Variants in HS3ST4 observed in about 807,000 individuals in gnomAD.
HS3ST4 encodes heparan sulfate-glucosamine 3-sulfotransferase 4, also known as heparan sulfate glucosamine 3-O-sulfotransferase 4.
In HS3ST4, 17 loss-of-function variants were observed where a neutral mutation model predicts 29.2. That is an observed-to-expected ratio of 0.58 (90% CI 0.40 to 0.87). The LOEUF (loss-of-function observed/expected upper bound fraction) is 0.87. Ranked by LOEUF, HS3ST4 falls within the 40% of genes least tolerant of loss-of-function variation. The probability of loss-of-function intolerance (pLI) is 0.00; values close to 1 mark genes in which losing one functional copy is unlikely to be tolerated. For missense variants in HS3ST4, 627 were observed against 634.5 expected (o/e 0.99, Z 0.13); for synonymous variants, 314 against 285.7 (o/e 1.10, Z -1.00).
At chr16:25,766,408 G>C (rs4433812) in intron 1 of HS3ST4, among the ~76,000 whole-genome samples, 1 of 151,890 alleles carries the variant, frequency 6.6e-6, no homozygotes, top group Non-Finnish European at 1.5e-5. Context: ...TTAGTTATTG[G>C]AGTCAAAAGA....
chr16:26,026,746 T>C lies in HS3ST4; in HGVS notation c.735-108866T>C, dbSNP rs117598985. Among the ~76,000 whole-genome samples the C allele has an allele frequency of 9.6e-3, 1,463 of 152,238 alleles. 12 individuals are homozygous for C. Among genetic ancestry groups the C allele is most frequent in the Non-Finnish European group, 0.015 (1,035 of 68,012 alleles). ...CCGCATGAAACACTGGCAAGAGAAG[T>C]GGGGTCGTCATAATTGTTTTGGACC... On this transcript the variant is annotated intron_variant, in intron 1 of 1. Transcript: ENST00000331351.
chr16:25,995,405 G>A (rs555603885), intron 1 of HS3ST4, among the ~76,000 whole-genome samples: 71 of 152,254 alleles, frequency 4.7e-4, no homozygotes, highest in African/African-American at 1.7e-3. Context: ...TATCTATTCT[G>A]CGTAATTCTC....
At chr16:25,897,898 T>C (rs1202847694) in intron 1 of HS3ST4, among the ~76,000 whole-genome samples, 2 of 152,190 alleles carry the variant, frequency 1.3e-5, no homozygotes, top group African/African-American at 4.8e-5. Flanking sequence ...ACTCTCGCTA[T>C]GTGTGACAGC....
intron 1 of HS3ST4, among the ~76,000 whole-genome samples, chr16:25,751,995 C>T (rs1316839097): frequency 7.3e-6 from 1 of 137,450 alleles, no homozygotes; most frequent in Non-Finnish European, 1.5e-5. Context: ...GCTTCCATTT[C>T]CCTTTTTTTT....
chr16:25,956,199 TCAA>T (rs796245283), intron 1 of HS3ST4, among the ~76,000 whole-genome samples: 67 of 152,360 alleles, frequency 4.4e-4, no homozygotes, highest in African/African-American at 1.6e-3. Flanking sequence ...GTCTTATTCT[TCAA>T]CAACATGAAA....
intron 1 of HS3ST4, among the ~76,000 whole-genome samples, chr16:25,900,754 C>T (rs559471581): frequency 6.6e-6 from 1 of 152,234 alleles, no homozygotes; most frequent in Admixed American, 6.5e-5. Flanking sequence ...TAGCATCTTA[C>T]CCCCAAACTC....
chr16:25,694,108 T>G (rs1292677451), intron 1 of HS3ST4, among the ~76,000 whole-genome samples: 1 of 152,224 alleles, frequency 6.6e-6, no homozygotes, highest in Admixed American at 6.5e-5. Flanking sequence ...GAAACAGATC[T>G]GCATGGCTGG....
intron 1 of HS3ST4, among the ~76,000 whole-genome samples, chr16:25,869,054 A>G (rs1007782379): frequency 1.3e-5 from 2 of 152,080 alleles, no homozygotes; most frequent in African/African-American, 2.4e-5. Context: ...GTTAAATGGT[A>G]TTTAATGTAA....
chr16:25,788,452 C>T (rs150026493), intron 1 of HS3ST4, among the ~76,000 whole-genome samples: 175 of 149,976 alleles, frequency 1.2e-3, no homozygotes, highest in Non-Finnish European at 2.3e-3. Context: ...CAGTAAGTCT[C>T]TGTGAATAAT....
chr16:25,973,703 C>G (rs964026383), intron 1 of HS3ST4, among the ~76,000 whole-genome samples: 1 of 152,192 alleles, frequency 6.6e-6, no homozygotes, highest in African/African-American at 2.4e-5. Context: ...GACAATTACA[C>G]ACATGTGCCC....
intron 1 of HS3ST4, among the ~76,000 whole-genome samples, chr16:26,123,374 T>C (rs2141811925): frequency 6.6e-6 from 1 of 152,278 alleles, no homozygotes; most frequent in African/African-American, 2.4e-5. Flanking sequence ...ACGATGCACC[T>C]GGCCAGCTTC....
intron 1 of HS3ST4, among the ~76,000 whole-genome samples, chr16:26,052,009 G>T (rs2141766090): frequency 6.7e-6 from 1 of 150,286 alleles, no homozygotes; most frequent in East Asian, 2.0e-4. Flanking sequence ...CTTTCCTAAA[G>T]CCAGCCATGA....
chr16:26,063,581 T>C (rs1207891947), intron 1 of HS3ST4, among the ~76,000 whole-genome samples: 1 of 151,820 alleles, frequency 6.6e-6, no homozygotes, highest in Non-Finnish European at 1.5e-5. Flanking sequence ...CCTATAGTCC[T>C]AGCTACTTGG....
chr16:26,055,552 G>A (rs2141768380), intron 1 of HS3ST4, among the ~76,000 whole-genome samples: 1 of 152,102 alleles, frequency 6.6e-6, no homozygotes, highest in East Asian at 1.9e-4. Context: ...CCTAGTTCTG[G>A]GTGTTACTCA....
At chr16:25,929,622 C>T (rs1260097925) in intron 1 of HS3ST4, among the ~76,000 whole-genome samples, 1 of 152,070 alleles carries the variant, frequency 6.6e-6, no homozygotes, top group Admixed American at 6.6e-5. Context: ...GATTTGGGCT[C>T]TACTCTGTGG....
At chr16:25,975,251 G>A (rs1196377425) in intron 1 of HS3ST4, among the ~76,000 whole-genome samples, 1 of 151,334 alleles carries the variant, frequency 6.6e-6, no homozygotes, top group Non-Finnish European at 1.5e-5. Context: ...GGGTATACAT[G>A]GACACAAAGA....
At chr16:25,939,409 G>A (rs1166717138) in intron 1 of HS3ST4, among the ~76,000 whole-genome samples, 1 of 151,128 alleles carries the variant, frequency 6.6e-6, no homozygotes, top group Admixed American at 6.6e-5. Context: ...ATGATCTTGG[G>A]TCACCACAAC....
intron 1 of HS3ST4, among the ~76,000 whole-genome samples, chr16:26,056,828 T>G (rs1898413805): frequency 6.6e-6 from 1 of 152,218 alleles, no homozygotes. Context: ...TTCTCTGTTA[T>G]GTAAATATCC....
chr16:25,779,629 A>G (rs1051214085), intron 1 of HS3ST4, among the ~76,000 whole-genome samples: 4 of 152,232 alleles, frequency 2.6e-5, no homozygotes, highest in African/African-American at 9.6e-5. Flanking sequence ...GCTAAAGACC[A>G]CTTTTCAGAT....
Sources: gnomAD v4.1 joint callset for allele counts (sites outside exome capture counted in the v4.1 genomes callset) on GRCh38, gnomAD v4.1.1 for gene constraint, MANE v1.5 for transcripts, NCBI Gene and HGNC (gene_info 2026-07-23, HGNC 2026-07-21) for gene names.